CTNNA2: variants seen among roughly 807,000 people sequenced by gnomAD.
The protein encoded by CTNNA2 is catenin alpha-2.
CTNNA2 carries 42 observed loss-of-function variants against 101.0 expected under a neutral mutation model. That is an observed-to-expected ratio of 0.42 (90% CI 0.32 to 0.54). The LOEUF is 0.54. CTNNA2 is among the 20% of genes least tolerant of loss of function. The pLI, the probability that CTNNA2 is intolerant of heterozygous loss-of-function variation, is 0.14. For missense variants in CTNNA2, 871 were observed against 1,223.1 expected, an observed-to-expected ratio of 0.71 and a Z score of 4.29; for synonymous variants, 450 against 456.4, an observed-to-expected ratio of 0.99 and a Z score of 0.18.
intron 7 of CTNNA2, among the ~76,000 whole-genome samples, chr2:80,108,862 A>C (rs1191364862): frequency 6.6e-6 from 1 of 151,980 alleles, no homozygotes; most frequent in African/African-American, 2.4e-5. Flanking sequence ...ACTTTATGAG[A>C]TGTTAACACA....
chr2:79,303,056 A>G (rs536325919), intron 2 of CTNNA2, among the ~76,000 whole-genome samples: 1 of 152,190 alleles, frequency 6.6e-6, no homozygotes, highest in Non-Finnish European at 1.5e-5. Flanking sequence ...ATAGGATGCT[A>G]TGCTGATTTT....
At chr2:80,279,096 G>C (rs2149156342) in intron 7 of CTNNA2, among the ~76,000 whole-genome samples, 2 of 150,396 alleles carry the variant, frequency 1.3e-5, no homozygotes, top group Middle Eastern at 3.4e-3. Context: ...GAAACAGAGA[G>C]AGAGAGAGAG....
At chr2:80,591,577 A>G (rs1696514940) in intron 15 of CTNNA2, among the ~76,000 whole-genome samples, 2 of 148,594 alleles carry the variant, frequency 1.3e-5, no homozygotes, top group Non-Finnish European at 3.0e-5. Flanking sequence ...CCACTTGCAT[A>G]TTCCACTTCA....
At chr2:80,555,092 AC>A (rs1200583517) in intron 11 of CTNNA2, among the ~76,000 whole-genome samples, 1 of 152,194 alleles carries the variant, frequency 6.6e-6, no homozygotes, top group Non-Finnish European at 1.5e-5. Context: ...GATCGTCTTC[AC>A]CTAATCAGTT....
chr2:80,437,192 T>C (rs1484505280), intron 9 of CTNNA2, among the ~76,000 whole-genome samples: 1 of 152,148 alleles, frequency 6.6e-6, no homozygotes, highest in Non-Finnish European at 1.5e-5. Context: ...TAAATTTCTG[T>C]CGTTGATAAA....
chr2:80,267,363 G>A (rs553359464), intron 7 of CTNNA2, among the ~76,000 whole-genome samples: 18 of 152,274 alleles, frequency 1.2e-4, no homozygotes, highest in African/African-American at 4.1e-4. Context: ...AAAAAGAAAG[G>A]GTTGAGAAAG....
intron 15 of CTNNA2, among the ~76,000 whole-genome samples, chr2:80,602,976 G>T (rs182299128): frequency 5.3e-4 from 81 of 152,112 alleles, no homozygotes; most frequent in African/African-American, 1.7e-3. Context: ...AAGACATTTT[G>T]TCTTCTATTT....
In CTNNA2 at chr2:79,235,462, G is replaced by T. The variant is rs564237255; in HGVS notation, c.-406+37386G>T. 5.5e-4 allele frequency among the ~76,000 whole-genome samples: 83 copies of T among 152,164 alleles called. 1 individual carries two copies. The highest frequency in any genetic ancestry group is 1.9e-3 in the African/African-American group (80 of 41,496). ...TGGCCCCCTCACCTGGTCTGCTCCT[G>T]GGCCTTGGAGTTGCCCCTTCTGACC... On this transcript the variant is annotated intron_variant, in intron 2 of 21. Coordinates refer to the CTNNA2 transcript ENST00000466387.
chr2:79,328,697 G>A (rs1676803432), intron 3 of CTNNA2, among the ~76,000 whole-genome samples: 1 of 152,114 alleles, frequency 6.6e-6, no homozygotes, highest in South Asian at 2.1e-4. Flanking sequence ...AGGGAGAAGA[G>A]GTTGGAAAGA....
chr2:79,331,407 C>T (rs906340580), intron 3 of CTNNA2, among the ~76,000 whole-genome samples: 4 of 152,216 alleles, frequency 2.6e-5, no homozygotes, highest in African/African-American at 7.2e-5. Flanking sequence ...CAGATCCTCA[C>T]ACAGCCCTAA....
intron 1 of CTNNA2, among the ~76,000 whole-genome samples, chr2:79,631,014 G>A (rs1469494970): frequency 1.3e-5 from 2 of 151,736 alleles, no homozygotes; most frequent in African/African-American, 4.9e-5. Context: ...ATCTTCCTGA[G>A]TTCTTTTCTC....
intron 2 of CTNNA2, among the ~76,000 whole-genome samples, chr2:79,223,436 G>A (rs2104225417): frequency 6.6e-6 from 1 of 152,180 alleles, no homozygotes; most frequent in Admixed American, 6.5e-5. Flanking sequence ...ATTATCTTAG[G>A]GTACATTGTG....
chr2:80,420,784 C>G lies in CTNNA2; in HGVS notation c.1290+1183C>G, dbSNP rs116225356. On this transcript the variant is annotated intron_variant, in intron 9 of 18. Coordinates refer to ENST00000402739, the MANE Select transcript of CTNNA2 (RefSeq NM_001282597.3). Reference sequence around the variant, plus strand: ...AGTCCTACATCAAGCCTCTGCTTCTCTAGGATACAGGCTGAGCCATCATCC... The same window carrying G: ...AGTCCTACATCAAGCCTCTGCTTCTGTAGGATACAGGCTGAGCCATCATCC... Among the ~76,000 whole-genome samples the G allele has an allele frequency of 3.5e-3, 529 of 152,286 alleles. 4 individuals carry two copies. The highest frequency in any genetic ancestry group is 0.012 in the African/African-American group (502 of 41,546).
At chr2:80,195,874 A>C (rs1441706738) in intron 7 of CTNNA2, among the ~76,000 whole-genome samples, 2 of 152,072 alleles carry the variant, frequency 1.3e-5, no homozygotes, top group African/African-American at 4.8e-5. Flanking sequence ...GAGGGCAAGA[A>C]ATTGAGAAGT....
chr2:80,282,155 TAG>T (rs1225510277), intron 7 of CTNNA2, among the ~76,000 whole-genome samples: 2 of 152,106 alleles, frequency 1.3e-5, no homozygotes, highest in Non-Finnish European at 2.9e-5. Flanking sequence ...TCTGCCACAG[TAG>T]AGTCTTAAGA....
At chr2:79,434,443 C>G (rs1678692151) in intron 4 of CTNNA2, among the ~76,000 whole-genome samples, 1 of 152,062 alleles carries the variant, frequency 6.6e-6, no homozygotes, top group Non-Finnish European at 1.5e-5. Flanking sequence ...ACAGGAAACA[C>G]AAAAGATAAT....
Position 80,589,417 on chromosome 2 carries a change from C to T in CTNNA2, c.2121C>T (p.Ser707=), listed in dbSNP as rs780278071. ...LDAEVAKWDD[S]GNDIIVLAKQ... ...CAGAAGTGGCCAAATGGGACGACAG[C>T]GGCAATGATATCATTGTACTGGCCA... is the stretch of plus-strand genomic sequence containing the variant. Residue 707 remains serine, a synonymous_variant, in exon 15 of 19, where the codon AGC becomes AGT. Transcript: ENST00000402739. 15 of 1,613,942 alleles carry T rather than the reference C, an allele frequency of 9.3e-6. No individual in the cohort carries two copies. In the East Asian group the frequency reaches 1.3e-4, roughly 14 times the overall value.
intron 18 of CTNNA2, among the ~76,000 whole-genome samples, chr2:80,637,343 GT>G (rs1276791712): frequency 1.3e-5 from 2 of 152,162 alleles, no homozygotes; most frequent in Non-Finnish European, 1.5e-5. Context: ...GTAGAGGTAA[GT>G]TTAGTGGTTG....
chr2:80,430,285 A>C (rs1292517360), intron 9 of CTNNA2, among the ~76,000 whole-genome samples: 1 of 152,236 alleles, frequency 6.6e-6, no homozygotes, highest in Non-Finnish European at 1.5e-5. Context: ...AAGAGAATCA[A>C]CACTTAGCTT....
Sources: allele counts gnomAD v4.1 joint callset (sites outside exome capture counted in the v4.1 genomes callset), GRCh38; gene constraint gnomAD v4.1.1; transcripts MANE v1.5; gene names NCBI Gene and HGNC (gene_info 2026-07-23, HGNC 2026-07-21).